Variants in PTMA observed in about 807,000 individuals in gnomAD.
The protein encoded by PTMA is prothymosin alpha, also known as gene sequence 28.
In PTMA, 4 loss-of-function variants were observed where a neutral mutation model predicts 16.9. That is an observed-to-expected ratio of 0.24 (90% CI 0.12 to 0.54). The LOEUF is 0.54. Ranked by LOEUF, PTMA falls within the 20% of genes least tolerant of loss-of-function variation. The pLI, the probability that PTMA is intolerant of heterozygous loss-of-function variation, is 0.95. For synonymous variants in PTMA, 58 were observed against 47.9 expected (o/e 1.21, Z -0.87); for missense variants, 120 against 137.7 (o/e 0.87, Z 0.64).
rs1016296990 is a variant in PTMA, at chr2:231,708,575, T to C, written c.-132T>C. The C allele has an allele frequency of 1.9e-6, 2 of 1,073,756 alleles. No homozygotes were observed. Among genetic ancestry groups the C allele is most frequent in the South Asian group, 2.5e-5 (2 of 78,756 alleles). The allele number at this position is 1,073,756 out of a possible 1,614,324, so 66.5% of individuals were successfully genotyped here. Reference sequence around the variant, plus strand: ...ATCTTTGCATTGTTCCTCATCCGCCTCCTTGCTCGCCGCAGCCGCCTCCGC... The same window carrying C: ...ATCTTTGCATTGTTCCTCATCCGCCCCCTTGCTCGCCGCAGCCGCCTCCGC... On this transcript the variant is annotated 5_prime_UTR_variant, in exon 1 of 5. Coordinates refer to ENST00000409115, the MANE Select transcript of PTMA (RefSeq NM_002823.5).
chr2:231,708,822 G>C (rs2048474261), intron 1 of PTMA, 71 bp downstream of exon 1: 1 of 1,543,064 alleles, frequency 6.5e-7, no homozygotes, highest in Non-Finnish European at 8.8e-7. Context: ...GCGCGCAGCA[G>C]CTGGACTGTC....
intron 1 of PTMA, chr2:231,710,433 C>A (rs909920465): frequency 9.6e-6 from 11 of 1,146,882 alleles, no homozygotes; most frequent in Middle Eastern, 3.7e-4. Context: ...CACTGCTCCC[C>A]GGGGCTTCGG....
chr2:231,711,721 T>C (rs2070936), intron 2 of PTMA, 169 bp from the exon 3 acceptor site: 366,758 of 1,268,070 alleles, frequency 0.29, 57,394 homozygotes, highest in African/African-American at 0.54. Flanking sequence ...GCAGGTTTCA[T>C]GATGGAGCCT....
At chr2:231,712,372 G>A in intron 3 of PTMA, 71 bp from the exon 4 acceptor site, 2 of 1,509,614 alleles carry the variant, frequency 1.3e-6, no homozygotes, top group Non-Finnish European at 1.8e-6. Context: ...TCCACTACAT[G>A]TTCCTCGGGA....
rs1197364815 is a variant in PTMA, at chr2:231,713,276, A to C, written c.*425A>C. ...CATTATAATCTCAAAGGAGAAAAAAAACCTTGTAAAAAAAGCAAAAATGAC... is the reference window on the plus strand; with the variant it reads ...CATTATAATCTCAAAGGAGAAAAAACACCTTGTAAAAAAAGCAAAAATGAC... On this transcript the variant is annotated 3_prime_UTR_variant, in exon 5 of 5. Transcript: ENST00000409115. 2 of 493,094 alleles carry C rather than the reference A, an allele frequency of 4.1e-6. No homozygotes were observed. The highest frequency in any genetic ancestry group is 4.1e-5 in the African/African-American group (2 of 49,268). 30.5% of individuals were successfully genotyped at this position (493,094 alleles called of 1,614,324 possible).
chr2:231,710,599 C>A, intron 1 of PTMA: 1 of 496,244 alleles, frequency 2.0e-6, no homozygotes, highest in South Asian at 1.6e-5. Context: ...GTATTGGTGG[C>A]CGTGTCGTGT....
Position 231,711,396 on chromosome 2 carries a change from GACGCCCCTGCTA to G in PTMA, c.98_109del (p.Ala33_Asn36del), listed in dbSNP as rs1227920913. 6.2e-7 allele frequency: 1 copy of G among 1,614,068 alleles called. No individual in the cohort carries two copies. Among genetic ancestry groups the G allele is most frequent in the African/African-American group, 1.3e-5 (1 of 74,942 alleles). ...TGTGGAAGAGGCAGAAAATGGAAGA[GACGCCCCTGCTA>G]ACGGGAATGCTGTGAGTGTCTGCTT... On this transcript the variant is annotated inframe_deletion, in exon 2 of 5. Transcript: ENST00000409115.
Position 231,711,353 on chromosome 2 carries a change from A to C in PTMA, c.51A>C (p.Leu17Phe). Residue 17 changes from leucine (L) to phenylalanine (F), a missense_variant, in exon 2 of 5, where the codon TTA (leucine) becomes TTC (phenylalanine). Leu to Phe is a conservative substitution (Grantham distance 22). Transcript: ENST00000409115. Reference sequence around the variant, plus strand: ...TTCCTTCTTCCCTTTTGAAGGACTTAAAGGAGAAGAAGGAAGTTGTGGAAG... The same window carrying C: ...TTCCTTCTTCCCTTTTGAAGGACTTCAAGGAGAAGAAGGAAGTTGTGGAAG... The part of the protein sequence containing the change: ...DTSSEITTKD[L>F]KEKKEVVEEA... 6.2e-7 allele frequency: 1 copy of C among 1,613,926 alleles called. No homozygotes were observed. Among genetic ancestry groups the C allele is most frequent in the South Asian group, 1.1e-5 (1 of 91,088 alleles).
At chr2:231,709,145 T>TG (rs757456142) in intron 1 of PTMA, among the ~76,000 whole-genome samples, 7 of 152,004 alleles carry the variant, frequency 4.6e-5, no homozygotes, top group Non-Finnish European at 8.8e-5. Context: ...TCGGAAGTGC[T>TG]GGGGGGCGCG....
rs992901739 is a variant in PTMA, at chr2:231,712,303, C to T, written c.212-140C>T. 46 of 929,110 alleles carry T rather than the reference C, an allele frequency of 5.0e-5. No homozygotes were observed. The African/African-American group carries it at 5.1e-4, about 10-fold the overall frequency. 57.6% of individuals were successfully genotyped at this position (929,110 alleles called of 1,614,324 possible). A position where few individuals can be genotyped will look rare whatever the true frequency, so the allele number is the denominator to read the frequency against. ...TGGAGAGTCCCACCTGTGTAGTGGG[C>T]GTGGGTGCCCTGATTGGGCCCAGTT... On this transcript the variant is annotated intron_variant, in intron 3 of 4. Coordinates refer to ENST00000409115, the MANE Select transcript of PTMA (RefSeq NM_002823.5).
intron 3 of PTMA, 83 bp from the exon 4 acceptor site, chr2:231,712,360 A>G: frequency 7.2e-7 from 1 of 1,390,974 alleles, no homozygotes; most frequent in South Asian, 1.2e-5. Flanking sequence ...GGGACCTTGC[A>G]GTCCACTACA....
intron 1 of PTMA, among the ~76,000 whole-genome samples, chr2:231,709,080 G>A (rs1240934527): frequency 6.6e-6 from 1 of 152,186 alleles, no homozygotes; most frequent in African/African-American, 2.4e-5. Context: ...CTGGCTGGGG[G>A]TCGTCGGCCC....
In PTMA at chr2:231,712,527, G is replaced by A; in HGVS notation, c.285+11G>A. Reference sequence around the variant, plus strand: ...GCTGAAGATGATGAGGTGGGTTCTGGCTTGAGAAGAAGGGGGGTTTGGCAT... The same window carrying A: ...GCTGAAGATGATGAGGTGGGTTCTGACTTGAGAAGAAGGGGGGTTTGGCAT... On this transcript the variant is annotated intron_variant, in intron 4 of 4. Coordinates refer to ENST00000409115, the MANE Select transcript of PTMA (RefSeq NM_002823.5). The A allele has an allele frequency of 6.2e-7, 1 of 1,613,986 alleles. No individual in the cohort carries two copies. The highest frequency in any genetic ancestry group is 8.5e-7 in the Non-Finnish European group (1 of 1,179,874).
intron 1 of PTMA, 122 bp from the exon 2 acceptor site, chr2:231,711,226 C>T (rs2048514393): frequency 1.3e-6 from 1 of 791,184 alleles, no homozygotes; most frequent in Non-Finnish European, 2.1e-6. Context: ...CCTTTCTCAA[C>T]ATGCGACTCT....
intron 1 of PTMA, chr2:231,710,299 A>G (rs1280620937): frequency 7.9e-7 from 1 of 1,263,828 alleles, no homozygotes; most frequent in Non-Finnish European, 1.0e-6. Context: ...GGGAGTCTCC[A>G]AGGCAAGGGA....
At chr2:231,709,255 G>T (rs2048484237) in intron 1 of PTMA, among the ~76,000 whole-genome samples, 1 of 152,176 alleles carries the variant, frequency 6.6e-6, no homozygotes, top group South Asian at 2.1e-4. Context: ...CCCTGCAGCG[G>T]ACCTGAGGTG....
At position 231,712,416 on chromosome 2, in the gene PTMA, G is replaced by GT. The variant is rs1329900089; in HGVS notation, c.212-24dup. The GT allele has an allele frequency of 1.1e-5, 17 of 1,609,142 alleles. No homozygotes were observed. In the Middle Eastern group the frequency reaches 6.9e-4, roughly 66 times the overall value. ...GGAGCCACAGTAGGAGGGAAGTGTG[G>GT]TTTACCTGGCCTTTGATTCTCTCCA... On this transcript the variant is annotated intron_variant, in intron 3 of 4. Coordinates refer to ENST00000409115, the MANE Select transcript of PTMA (RefSeq NM_002823.5).
At chr2:231,712,399 A>G (rs944921980) in intron 3 of PTMA, 44 bp from the exon 4 acceptor site, 4 of 1,579,246 alleles carry the variant, frequency 2.5e-6, no homozygotes, top group Admixed American at 1.7e-5. Context: ...CAGGAGCCAC[A>G]GTAGGAGGGA....
At position 231,712,510 on chromosome 2, in the gene PTMA, T is replaced by G. The variant is rs1435373212; in HGVS notation, c.279T>G (p.Asp93Glu). ...CTACGGGCAAGCGGGCAGCTGAAGATGATGAGGTGGGTTCTGGCTTGAGAA... is the reference window on the plus strand; with the variant it reads ...CTACGGGCAAGCGGGCAGCTGAAGAGGATGAGGTGGGTTCTGGCTTGAGAA... ...ESATGKRAAE[D>E]DEDDDVDTKK... The change falls in exon 4 of 5, where the codon GAT becomes GAG. Residue 93 changes from aspartate to glutamate, a missense_variant. By Grantham distance (45) the Asp-to-Glu change is conservative. Coordinates refer to ENST00000409115, the MANE Select transcript of PTMA (RefSeq NM_002823.5). 4 of 1,614,002 alleles carry G rather than the reference T, an allele frequency of 2.5e-6. No individual in the cohort carries two copies. The highest frequency in any genetic ancestry group is 3.4e-6 in the Non-Finnish European group (4 of 1,179,936).
Sources: allele counts gnomAD v4.1 joint callset (sites outside exome capture counted in the v4.1 genomes callset), GRCh38; gene constraint gnomAD v4.1.1; transcripts MANE v1.5; gene names NCBI Gene and HGNC (gene_info 2026-07-23, HGNC 2026-07-21).